SLC7A2: variants seen among roughly 807,000 people sequenced by gnomAD.
SLC7A2 encodes solute carrier family 7 member 2.
Under a neutral mutation model 58.9 loss-of-function variants are expected in SLC7A2, and 48 were observed. The ratio of observed to expected loss-of-function variants is 0.82; its 90% CI spans 0.65 to 1.04. The LOEUF is 1.04. Ranked by LOEUF, SLC7A2 falls within the 50% of genes least tolerant of loss-of-function variation. The pLI is 0.00. For missense variants in SLC7A2, 1,029 were observed against 818.8 expected, an observed-to-expected ratio of 1.26 and a Z score of -3.13; for synonymous variants, 363 against 314.5, an observed-to-expected ratio of 1.15 and a Z score of -1.63.
chr8:17,560,177 C>T (rs1259342981), intron 9 of SLC7A2, 151 bp from the exon 10 acceptor site: 2 of 631,012 alleles, frequency 3.2e-6, no homozygotes, highest in African/African-American at 1.8e-5. Flanking sequence ...TGTGTCCTGG[C>T]TCAGCATGCT....
At position 17,563,618 on chromosome 8, in the gene SLC7A2, T is replaced by C; in HGVS notation, c.1687T>C (p.Phe563Leu). 1 of 1,610,020 alleles carries C rather than the reference T, an allele frequency of 6.2e-7. No individual in the cohort carries two copies. The change falls in exon 12 of 13, where the codon TTT becomes CTT. Residue 563 changes from phenylalanine (F) to leucine (L), a missense_variant. Physicochemically the swap from Phe to Leu is conservative, Grantham distance 22. Coordinates refer to ENST00000494857, the MANE Select transcript of SLC7A2 (RefSeq NM_001370338.1). ...TCCCCCTCAGGTTCCATTCTTACCA[T>C]TTTTGCCAGCGTTCAGCATCTTGGT... Reference protein sequence around the residue: ...KVAFMVPFLPFLPAFSILVNI... With the variant: ...KVAFMVPFLPLLPAFSILVNI...
rs543875494 is a variant in SLC7A2 at position 17,499,415 on chromosome 8, T to TC, written c.-69+2184dup. Among the ~76,000 whole-genome samples the TC allele has an allele frequency of 1.2e-4, 18 of 150,080 alleles. No homozygotes were observed. The South Asian group carries it at 2.4e-3, about 20-fold the overall frequency. Reference sequence around the variant, plus strand: ...CTGTCCCTCTTCCCTCCATTCTCTCTCCCCCCTTCTCTCTCTGTGTGTTCA... The same window carrying TC: ...CTGTCCCTCTTCCCTCCATTCTCTCTCCCCCCCTTCTCTCTCTGTGTGTTCA... On this transcript the variant is annotated intron_variant, in intron 1 of 12. Transcript: ENST00000494857.
chr8:17,543,279 A>T, intron 2 of SLC7A2, 39 bp from the exon 3 acceptor site: 1 of 1,544,992 alleles, frequency 6.5e-7, no homozygotes, highest in East Asian at 2.3e-5. Context: ...GAGGGATGAC[A>T]ATTCCAGATC....
rs978076293 is a variant in SLC7A2, at chr8:17,559,566, CA to C, written c.1299-753del. On this transcript the variant is annotated intron_variant, in intron 9 of 12. Transcript: ENST00000494857. Reference sequence around the variant, plus strand: ...GGGCAACAAGAGCGAAACTCTGTCTCAAAAAAAAACATAACAAAACGAAAGA... The same window carrying C: ...GGGCAACAAGAGCGAAACTCTGTCTCAAAAAAAACATAACAAAACGAAAGA... Among the ~76,000 whole-genome samples the C allele has an allele frequency of 3.3e-5, 5 of 150,048 alleles. No individual in the cohort carries two copies. The South Asian group carries it at 6.4e-4, about 19-fold the overall frequency.
At chr8:17,536,226 T>A (rs75380767) in intron 2 of SLC7A2, among the ~76,000 whole-genome samples, 2,399 of 151,864 alleles carry the variant, frequency 0.016, 50 homozygotes, top group African/African-American at 0.056. Flanking sequence ...TTGGGAGAAA[T>A]GATGTTACCG....
At chr8:17,543,760 C>T (rs201433884) in intron 3 of SLC7A2, 45 bp downstream of exon 3, 54 of 1,495,176 alleles carry the variant, frequency 3.6e-5, no homozygotes, top group Admixed American at 2.8e-4. Context: ...TGGAAGAAAT[C>T]GCAGCCCTGA....
At chr8:17,541,527 A>C (rs1055934949) in intron 2 of SLC7A2, among the ~76,000 whole-genome samples, 2 of 152,250 alleles carry the variant, frequency 1.3e-5, no homozygotes, top group African/African-American at 4.8e-5. Context: ...CGTGTCCTCT[A>C]TTTTTTATTT....
At position 17,563,592 on chromosome 8, in the gene SLC7A2, T is replaced by G; in HGVS notation, c.1672-11T>G. The G allele has an allele frequency of 6.5e-7, 1 of 1,528,374 alleles. No homozygotes were observed. Among genetic ancestry groups the G allele is most frequent in the Non-Finnish European group, 9.0e-7 (1 of 1,107,166 alleles). The allele number at this position is 1,528,374 out of a possible 1,614,324, so 94.7% of individuals were successfully genotyped here. ...TATGAGTATGTTCAAAAGGATTGTT[T>G]TCCCCCTCAGGTTCCATTCTTACCA... On this transcript the variant is annotated splice_polypyrimidine_tract_variant and intron_variant, in intron 11 of 12. Coordinates refer to ENST00000494857, the MANE Select transcript of SLC7A2 (RefSeq NM_001370338.1).
At chr8:17,536,020 A>C (rs2150722935) in intron 2 of SLC7A2, among the ~76,000 whole-genome samples, 1 of 152,220 alleles carries the variant, frequency 6.6e-6, no homozygotes, top group East Asian at 1.9e-4. Context: ...CAGTATGGTA[A>C]AATATTCCCG....
chr8:17,500,644 C>G (rs955377918), intron 1 of SLC7A2: 2 of 152,188 alleles, frequency 1.3e-5, no homozygotes, highest in Non-Finnish European at 2.9e-5. Context: ...CAAAAATTAG[C>G]CAGGTTTGGT....
chr8:17,519,664 TCA>T (rs1413649495), intron 2 of SLC7A2, among the ~76,000 whole-genome samples: 1 of 152,210 alleles, frequency 6.6e-6, no homozygotes, highest in Non-Finnish European at 1.5e-5. Context: ...TTCAAACCCT[TCA>T]CACTTTTTCT....
At chr8:17,532,389 G>A (rs913868776) in intron 2 of SLC7A2, among the ~76,000 whole-genome samples, 3 of 152,064 alleles carry the variant, frequency 2.0e-5, no homozygotes, top group African/African-American at 2.4e-5. Flanking sequence ...GTGTGTGCCA[G>A]TAGTACCCTG....
At chr8:17,526,765 A>G (rs551145413) in intron 2 of SLC7A2, among the ~76,000 whole-genome samples, 1 of 152,308 alleles carries the variant, frequency 6.6e-6, no homozygotes, top group South Asian at 2.1e-4. Flanking sequence ...GAAGTAGCTG[A>G]TCTCCAGAAA....
At chr8:17,521,034 G>A (rs907185485) in intron 2 of SLC7A2, among the ~76,000 whole-genome samples, 2 of 152,126 alleles carry the variant, frequency 1.3e-5, no homozygotes, top group Non-Finnish European at 2.9e-5. Context: ...AAAACACATA[G>A]TACCATAATG....
Position 17,563,613 on chromosome 8 carries a change from T to C in SLC7A2, c.1682T>C (p.Leu561Ser), listed in dbSNP as rs372367078. The change falls in exon 12 of 13, where the codon TTA becomes TCA. Residue 561 changes from leucine to serine, a missense_variant. Leu to Ser is a moderately radical substitution (Grantham distance 145). Coordinates refer to ENST00000494857, the MANE Select transcript of SLC7A2 (RefSeq NM_001370338.1). ...QQKVAFMVPF[L>S]PFLPAFSILV... The stretch of plus-strand genomic sequence containing the variant: ...TGTTTTCCCCCTCAGGTTCCATTCT[T>C]ACCATTTTTGCCAGCGTTCAGCATC... The C allele has an allele frequency of 2.1e-5, 33 of 1,607,228 alleles. No homozygotes were observed. The highest frequency in any genetic ancestry group is 2.5e-5 in the Non-Finnish European group (29 of 1,174,286).
intron 2 of SLC7A2, among the ~76,000 whole-genome samples, chr8:17,537,244 A>C (rs2006214): frequency 6.6e-6 from 1 of 151,658 alleles, no homozygotes; most frequent in Non-Finnish European, 1.5e-5. Context: ...TTTAGTAGAG[A>C]TGGGGTTTCA....
chr8:17,528,352 G>A (rs1465493392), intron 2 of SLC7A2, among the ~76,000 whole-genome samples: 2 of 152,166 alleles, frequency 1.3e-5, no homozygotes, highest in Admixed American at 1.3e-4. Flanking sequence ...TTAAGCTAAT[G>A]ACTGTTTTTC....
chr8:17,506,825 A>T (rs1159040340), intron 2 of SLC7A2, among the ~76,000 whole-genome samples: 1 of 151,902 alleles, frequency 6.6e-6, no homozygotes, highest in East Asian at 1.9e-4. Context: ...ATCTCGGCTC[A>T]TGTGAGGTTA....
intron 2 of SLC7A2, 95 bp from the exon 3 acceptor site, chr8:17,543,223 C>A: frequency 2.6e-6 from 3 of 1,133,964 alleles, no homozygotes; most frequent in South Asian, 1.5e-5. Flanking sequence ...CACAAACACA[C>A]ACACACACAT....
Sources: allele counts gnomAD v4.1 joint callset (sites outside exome capture counted in the v4.1 genomes callset), GRCh38; gene constraint gnomAD v4.1.1; transcripts MANE v1.5; gene names NCBI Gene and HGNC (gene_info 2026-07-23, HGNC 2026-07-21).